Variants in ZNF892 observed in about 807,000 individuals in gnomAD.
The protein encoded by ZNF892 is zinc finger protein 570-like.
At chr2:95,257,058 C>T in the ZNF892 span, among the ~76,000 whole-genome samples, 1 of 152,168 alleles carries the variant, frequency 6.6e-6, no homozygotes. Context: ...CATCTGAAGC[C>T]TTCTTCTCTC....
chr2:95,214,313 A>G, the ZNF892 span: 1 of 398,432 alleles, frequency 2.5e-6, no homozygotes, highest in Non-Finnish European at 4.4e-6. Flanking sequence ...AATGATACAC[A>G]TGTGTGTTTT....
the ZNF892 span, among the ~76,000 whole-genome samples, chr2:95,257,874 G>A: frequency 0.79 from 119,586 of 152,060 alleles, 47,317 homozygotes; most frequent in African/African-American, 0.84. Flanking sequence ...AGCCATGCAC[G>A]GGATATAATC....
chr2:95,258,376 C>G, the ZNF892 span, among the ~76,000 whole-genome samples: 20 of 152,174 alleles, frequency 1.3e-4, no homozygotes, highest in African/African-American at 4.1e-4. Context: ...TAAGCTGATC[C>G]TGATTGGCTA....
chr2:95,213,209 A>T, the ZNF892 span, among the ~76,000 whole-genome samples: 1 of 152,072 alleles, frequency 6.6e-6, no homozygotes, highest in Admixed American at 6.6e-5. Context: ...CAAGTCCCTC[A>T]CTATCCTCCA....
At chr2:95,213,748 T>C in the ZNF892 span, among the ~76,000 whole-genome samples, 4 of 152,352 alleles carry the variant, frequency 2.6e-5, no homozygotes, top group South Asian at 6.2e-4. Flanking sequence ...TGCTAGCTTC[T>C]AGAATTTGTG....
the ZNF892 span, chr2:95,207,502 G>A: frequency 3.5e-6 from 1 of 281,896 alleles, no homozygotes; most frequent in Non-Finnish European, 6.6e-6. Flanking sequence ...CGCGCCCCGC[G>A]GAGGATTCTG....
At chr2:95,213,854 G>T in the ZNF892 span, among the ~76,000 whole-genome samples, 3 of 152,248 alleles carry the variant, frequency 2.0e-5, no homozygotes, top group East Asian at 5.8e-4. Context: ...TATTGGAGTA[G>T]GAAAAGATTG....
At chr2:95,221,092 A>G in the ZNF892 span, among the ~76,000 whole-genome samples, 1 of 152,218 alleles carries the variant, frequency 6.6e-6, no homozygotes, top group Non-Finnish European at 1.5e-5. Context: ...CTGTTTCCTC[A>G]TAGATATATG....
chr2:95,214,581 TTACTTG>T, the ZNF892 span: 3 of 398,798 alleles, frequency 7.5e-6, no homozygotes, highest in African/African-American at 6.2e-5. Flanking sequence ...TCAGAGGTCC[TTACTTG>T]TTCAGCAGCA....
the ZNF892 span, among the ~76,000 whole-genome samples, chr2:95,250,495 A>G: frequency 7.3e-4 from 109 of 149,514 alleles, 2 homozygotes; most frequent in East Asian, 0.016. Context: ...TTTATGTAAT[A>G]AATGTTTATT....
At chr2:95,249,747 A>T in the ZNF892 span, among the ~76,000 whole-genome samples, 1 of 152,150 alleles carries the variant, frequency 6.6e-6, no homozygotes, top group African/African-American at 2.4e-5. Context: ...TATTAATAGA[A>T]TGAAATAGCC....
At chr2:95,216,976 G>A in the ZNF892 span, among the ~76,000 whole-genome samples, 1 of 152,134 alleles carries the variant, frequency 6.6e-6, no homozygotes, top group African/African-American at 2.4e-5. Context: ...TAACAAGATA[G>A]CATAGACTGA....
the ZNF892 span, among the ~76,000 whole-genome samples, chr2:95,253,725 G>T: frequency 6.6e-6 from 1 of 152,164 alleles, no homozygotes. Context: ...AACATGGAAT[G>T]TTCTTCCATT....
chr2:95,242,023 T>C, the ZNF892 span, among the ~76,000 whole-genome samples: 2 of 152,260 alleles, frequency 1.3e-5, no homozygotes, highest in African/African-American at 2.4e-5. Flanking sequence ...TTACGACTGA[T>C]TGGGGTACCT....
chr2:95,233,324 C>T, the ZNF892 span, among the ~76,000 whole-genome samples: 6 of 151,436 alleles, frequency 4.0e-5, no homozygotes, highest in Non-Finnish European at 8.8e-5. Context: ...CTCAGCCTCC[C>T]GGGTGGCTGG....
the ZNF892 span, among the ~76,000 whole-genome samples, chr2:95,231,488 A>G: frequency 5.9e-5 from 9 of 152,330 alleles, no homozygotes; most frequent in East Asian, 1.5e-3. Flanking sequence ...CTGTTTGTCA[A>G]AATTGTACAG....
the ZNF892 span, among the ~76,000 whole-genome samples, chr2:95,239,623 G>C: frequency 4.9e-3 from 747 of 151,744 alleles, 2 homozygotes; most frequent in Non-Finnish European, 8.4e-3. Flanking sequence ...TTTTTAGATG[G>C]AGTCTCACTC....
the ZNF892 span, among the ~76,000 whole-genome samples, chr2:95,237,039 T>C: frequency 6.6e-6 from 1 of 152,208 alleles, no homozygotes; most frequent in African/African-American, 2.4e-5. Context: ...TCCAACAGCA[T>C]GTGCTCCCTT....
chr2:95,234,781 G>A, the ZNF892 span, among the ~76,000 whole-genome samples: 1 of 152,236 alleles, frequency 6.6e-6, no homozygotes, highest in Admixed American at 6.5e-5. Context: ...TTTAAAATGT[G>A]CTTTGTAATA....
Sources: allele counts gnomAD v4.1 joint callset (sites outside exome capture counted in the v4.1 genomes callset), GRCh38; gene constraint gnomAD v4.1.1; transcripts MANE v1.5; gene names NCBI Gene and HGNC (gene_info 2026-07-23, HGNC 2026-07-21).